The following NTNG1 variants were observed in gnomAD, a reference collection of about 807,000 sequenced individuals.
NTNG1 encodes netrin G1, also known as netrin-G1.
A neutral mutation model predicts 54.0 loss-of-function variants in NTNG1; 16 were observed. The ratio of observed to expected loss-of-function variants is 0.30; its 90% CI spans 0.20 to 0.45. The LOEUF is 0.45. NTNG1 is among the 20% of genes least tolerant of loss of function. NTNG1 has a pLI of 1.00. For synonymous variants in NTNG1, 255 were observed against 263.1 expected, an observed-to-expected ratio of 0.97 and a Z score of 0.30; for missense variants, 530 against 678.7, an observed-to-expected ratio of 0.78 and a Z score of 2.43.
intron 2 of NTNG1, among the ~76,000 whole-genome samples, chr1:107,295,224 C>T (rs184022648): frequency 2.2e-4 from 34 of 152,278 alleles, no homozygotes; most frequent in Admixed American, 4.6e-4. Flanking sequence ...AGGTCTCACC[C>T]AACTTTGCTT....
chr1:107,342,265 G>A (rs533723405), intron 3 of NTNG1, among the ~76,000 whole-genome samples: 1 of 151,966 alleles, frequency 6.6e-6, no homozygotes, highest in Non-Finnish European at 1.5e-5. Context: ...ATAAAAATAT[G>A]TTAGCCCCCT....
chr1:107,229,534 T>A (rs1398910699), intron 2 of NTNG1, among the ~76,000 whole-genome samples: 1 of 151,886 alleles, frequency 6.6e-6, no homozygotes, highest in Non-Finnish European at 1.5e-5. Context: ...CATTTGTTTT[T>A]AAATGAGAAT....
chr1:107,441,584 T>C (rs1675969157), intron 7 of NTNG1, among the ~76,000 whole-genome samples: 1 of 152,100 alleles, frequency 6.6e-6, no homozygotes, highest in African/African-American at 2.4e-5. Context: ...TAAGGAACCA[T>C]GTGAATAGAT....
intron 2 of NTNG1, among the ~76,000 whole-genome samples, chr1:107,224,157 A>T (rs1175818419): frequency 6.6e-6 from 1 of 152,122 alleles, no homozygotes; most frequent in East Asian, 1.9e-4. Flanking sequence ...CAAAAACACC[A>T]TGCAAGAGAG....
chr1:107,212,898 G>A (rs538854001), intron 2 of NTNG1, among the ~76,000 whole-genome samples: 89 of 151,980 alleles, frequency 5.9e-4, no homozygotes, highest in African/African-American at 2.1e-3. Flanking sequence ...GAGTTATGTG[G>A]GGAGAAAGGT....
intron 2 of NTNG1, among the ~76,000 whole-genome samples, chr1:107,219,270 G>T (rs559520885): frequency 6.6e-6 from 1 of 151,976 alleles, no homozygotes; most frequent in Non-Finnish European, 1.5e-5. Context: ...AGTTGTGATT[G>T]TTTTATATTT....
Position 107,237,041 on chromosome 1 carries a change from C to T in NTNG1, c.247-87241C>T, listed in dbSNP as rs527768792. 5.3e-5 allele frequency among the ~76,000 whole-genome samples: 8 copies of T among 152,238 alleles called. No homozygotes were observed. The South Asian group carries it at 1.7e-3, about 32-fold the overall frequency. On this transcript the variant is annotated intron_variant, in intron 2 of 7. Coordinates refer to ENST00000370068, the MANE Select transcript of NTNG1 (RefSeq NM_001113226.3). ...AGAGATTGGAACAGTTTGGAGGGCTCAGAAGAAGACAGGAAAATGTGGGAA... is the reference window on the plus strand; with the variant it reads ...AGAGATTGGAACAGTTTGGAGGGCTTAGAAGAAGACAGGAAAATGTGGGAA...
intron 7 of NTNG1, among the ~76,000 whole-genome samples, chr1:107,446,930 C>T (rs567448708): frequency 4.6e-4 from 70 of 152,188 alleles, no homozygotes; most frequent in African/African-American, 1.4e-3. Context: ...GCTCTGCCTC[C>T]GCCTTAATCT....
intron 2 of NTNG1, among the ~76,000 whole-genome samples, chr1:107,273,764 T>G (rs2101699564): frequency 6.6e-6 from 1 of 152,328 alleles, no homozygotes; most frequent in African/African-American, 2.4e-5. Flanking sequence ...CGAGTACATA[T>G]CAGTCACAGT....
At chr1:107,464,328 AT>A (rs1285193638) in intron 7 of NTNG1, among the ~76,000 whole-genome samples, 1 of 152,216 alleles carries the variant, frequency 6.6e-6, no homozygotes, top group African/African-American at 2.4e-5. Context: ...GCACAAAAGA[AT>A]TGCCCGATTA....
intron 2 of NTNG1, among the ~76,000 whole-genome samples, chr1:107,210,680 A>C (rs2101376235): frequency 6.6e-6 from 1 of 152,278 alleles, no homozygotes; most frequent in Admixed American, 6.5e-5. Flanking sequence ...AGATTACTTC[A>C]GGTGATTAAA....
In NTNG1 at chr1:107,482,055, C is replaced by CAAAAAAAAAAAAAAAAAAAAAAAAAA. The variant is rs71098633; in HGVS notation, c.*1217_*1242dup. 1.7e-5 allele frequency: 2 copies of CAAAAAAAAAAAAAAAAAAAAAAAAAA among 114,498 alleles called. No individual in the cohort carries two copies. The highest frequency in any genetic ancestry group is 8.2e-5 in the Admixed American group (1 of 12,144). 7.1% of individuals were successfully genotyped at this position (114,498 alleles called of 1,614,324 possible). A position where few individuals can be genotyped will look rare whatever the true frequency, so the allele number is the denominator to read the frequency against. Reference sequence around the variant, plus strand: ...TTCCACTTGGGAAAAATTACAACAGCAAAAAAAAAAAAAAAAAAAAAAAAA... The same window carrying CAAAAAAAAAAAAAAAAAAAAAAAAAA: ...TTCCACTTGGGAAAAATTACAACAGCAAAAAAAAAAAAAAAAAAAAAAAAAAAAAAAAAAAAAAAAAAAAAAAAAAA... On this transcript the variant is annotated 3_prime_UTR_variant, in exon 8 of 8. Coordinates refer to ENST00000370068, the MANE Select transcript of NTNG1 (RefSeq NM_001113226.3).
chr1:107,148,475 A>C lies in NTNG1; in HGVS notation c.-119A>C. The C allele has an allele frequency of 1.1e-6, 1 of 923,074 alleles. No individual in the cohort carries two copies. Among genetic ancestry groups the C allele is most frequent in the Non-Finnish European group, 1.7e-6 (1 of 603,438 alleles). 57.2% of individuals were successfully genotyped at this position (923,074 alleles called of 1,614,324 possible). A position where few individuals can be genotyped will look rare whatever the true frequency, so the allele number is the denominator to read the frequency against. ...CATCTTCATTTAAAAAAAAATACAG[A>C]GACCTACCTACCCGTACGCATACAT... On this transcript the variant is annotated 5_prime_UTR_variant, in exon 2 of 8. Transcript: ENST00000370068.
At chr1:107,378,474 T>C (rs1052956228) in intron 3 of NTNG1, among the ~76,000 whole-genome samples, 2 of 152,152 alleles carry the variant, frequency 1.3e-5, no homozygotes, top group Admixed American at 6.5e-5. Context: ...TGGATACACA[T>C]TGGTCTTGGT....
At chr1:107,239,590 C>T (rs1411289497) in intron 2 of NTNG1, among the ~76,000 whole-genome samples, 3 of 152,128 alleles carry the variant, frequency 2.0e-5, no homozygotes, top group Admixed American at 6.5e-5. Flanking sequence ...ATAAATAATT[C>T]GACCAAAATC....
At chr1:107,278,582 T>G (rs1452017182) in intron 2 of NTNG1, among the ~76,000 whole-genome samples, 1 of 152,128 alleles carries the variant, frequency 6.6e-6, no homozygotes, top group Non-Finnish European at 1.5e-5. Flanking sequence ...GGCAGTCTCT[T>G]TTAGGCTTTT....
At position 107,352,734 on chromosome 1, in the gene NTNG1, G is replaced by A. The variant is rs568266427; in HGVS notation, c.887+27812G>A. 6.4e-4 allele frequency among the ~76,000 whole-genome samples: 97 copies of A among 152,148 alleles called. 1 individual carries two copies. Among genetic ancestry groups the A allele is most frequent in the South Asian group, 5.6e-3 (27 of 4,806 alleles). On this transcript the variant is annotated intron_variant, in intron 3 of 7. Coordinates refer to ENST00000370068, the MANE Select transcript of NTNG1 (RefSeq NM_001113226.3). ...ATCAGCTTAAAGGCGGGCAGCTCAC[G>A]AGGTCAGGAGTTCTTACACACTCTC...
intron 2 of NTNG1, among the ~76,000 whole-genome samples, chr1:107,288,492 C>T (rs560620666): frequency 2.2e-4 from 34 of 151,888 alleles, no homozygotes; most frequent in African/African-American, 8.2e-4. Context: ...GGTCTAAAAT[C>T]GCACCACTGA....
intron 7 of NTNG1, among the ~76,000 whole-genome samples, chr1:107,474,205 T>C (rs1678165961): frequency 6.6e-6 from 1 of 152,154 alleles, no homozygotes; most frequent in African/African-American, 2.4e-5. Context: ...TTTACTGACA[T>C]AGGACACTCT....
Sources: allele counts gnomAD v4.1 joint callset (sites outside exome capture counted in the v4.1 genomes callset), GRCh38; gene constraint gnomAD v4.1.1; transcripts MANE v1.5; gene names NCBI Gene and HGNC (gene_info 2026-07-23, HGNC 2026-07-21).